The following FRMD5 variants were observed in gnomAD, a reference collection of about 807,000 sequenced individuals.
FRMD5 encodes FERM domain containing 5, also known as FERM domain-containing protein 5.
In FRMD5, 20 loss-of-function variants were observed where a neutral mutation model predicts 69.0. That is an observed-to-expected ratio of 0.29 (90% confidence interval 0.20 to 0.42). The LOEUF is 0.42. Ranked by LOEUF, FRMD5 falls within the 10% of genes least tolerant of loss-of-function variation. The pLI is 1.00. For synonymous variants in FRMD5, 271 were observed against 260.1 expected, an observed-to-expected ratio of 1.04 and a Z score of -0.40; for missense variants, 595 against 708.6, an observed-to-expected ratio of 0.84 and a Z score of 1.82.
At chr15:43,938,886 G>T (rs1047735562) in intron 1 of FRMD5, among the ~76,000 whole-genome samples, 25 of 152,036 alleles carry the variant, frequency 1.6e-4, no homozygotes, top group Non-Finnish European at 2.9e-5. Flanking sequence ...TTTGGAGACA[G>T]AGTCTCACCC....
At chr15:44,080,750 C>A (rs1338405896) in intron 1 of FRMD5, among the ~76,000 whole-genome samples, 1 of 152,070 alleles carries the variant, frequency 6.6e-6, no homozygotes, top group Non-Finnish European at 1.5e-5. Context: ...TTTAACAGAA[C>A]AGGTAGGTCT....
intron 1 of FRMD5, among the ~76,000 whole-genome samples, chr15:44,039,003 AG>A (rs763853405): frequency 3.2e-4 from 49 of 151,964 alleles, no homozygotes; most frequent in Non-Finnish European, 5.7e-4. Flanking sequence ...TTGTAGGGGG[AG>A]GGGCATCCAC....
chr15:43,905,316 T>C (rs1376065866), intron 6 of FRMD5, among the ~76,000 whole-genome samples: 1 of 152,010 alleles, frequency 6.6e-6, no homozygotes, highest in Non-Finnish European at 1.5e-5. Context: ...TTTGTATTTT[T>C]AGTAGAGATG....
intron 1 of FRMD5, among the ~76,000 whole-genome samples, chr15:44,193,519 G>C (rs187193732): frequency 2.0e-5 from 3 of 152,296 alleles, no homozygotes; most frequent in African/African-American, 4.8e-5. Flanking sequence ...AAATAATACA[G>C]AGCATCTCTC....
chr15:43,891,377 G>GA (rs1182204037), intron 8 of FRMD5, among the ~76,000 whole-genome samples: 1 of 152,026 alleles, frequency 6.6e-6, no homozygotes, highest in Admixed American at 6.6e-5. Flanking sequence ...AGGGAAGGAA[G>GA]AAAGAGTGGG....
At chr15:43,912,403 T>A (rs867706060) in intron 4 of FRMD5, among the ~76,000 whole-genome samples, 4 of 152,228 alleles carry the variant, frequency 2.6e-5, no homozygotes, top group South Asian at 2.1e-4. Flanking sequence ...ACACGGTGTG[T>A]GGGAGAGAGT....
At chr15:44,197,678 CAAAAAAAA>C (rs5812271), upstream of FRMD5, among the ~76,000 whole-genome samples, 2 of 84,658 alleles carry the variant, frequency 2.4e-5, no homozygotes, top group Non-Finnish European at 4.6e-5. Flanking sequence ...GACTCCATCT[CAAAAAAAA>C]AAAAAAAAAA....
At chr15:43,982,924 G>A (rs1357823371) in intron 1 of FRMD5, among the ~76,000 whole-genome samples, 1 of 146,808 alleles carries the variant, frequency 6.8e-6, no homozygotes, top group African/African-American at 2.5e-5. Flanking sequence ...AATTTCCCCA[G>A]GTATCTTTTT....
intron 1 of FRMD5, among the ~76,000 whole-genome samples, chr15:44,028,452 T>C (rs1182649196): frequency 1.3e-5 from 2 of 152,216 alleles, no homozygotes; most frequent in East Asian, 3.9e-4. Flanking sequence ...TCCTTCTTCA[T>C]GTTTGGGAGT....
intron 5 of FRMD5, among the ~76,000 whole-genome samples, chr15:43,906,728 C>A (rs560247): frequency 0.21 from 28,102 of 135,412 alleles, 7,115 homozygotes; most frequent in African/African-American, 0.62. Context: ...CAGCCTCCCG[C>A]GTAGCTGGGA....
intron 13 of FRMD5, among the ~76,000 whole-genome samples, chr15:43,879,194 C>T (rs1186609321): frequency 6.6e-6 from 1 of 152,072 alleles, no homozygotes; most frequent in African/African-American, 2.4e-5. Flanking sequence ...ATCTCAGCCT[C>T]CCAAAGTGCT....
intron 1 of FRMD5, among the ~76,000 whole-genome samples, chr15:44,009,354 T>A (rs1215223476): frequency 1.3e-5 from 2 of 152,160 alleles, no homozygotes; most frequent in African/African-American, 4.8e-5. Flanking sequence ...ATCTTAAAGA[T>A]GCAAAAGACA....
rs1320239778 is a variant in FRMD5, at chr15:43,902,021, G to T, written c.639+154C>A. On this transcript the variant is annotated intron_variant, in intron 7 of 13. Coordinates refer to ENST00000417257, the MANE Select transcript of FRMD5 (RefSeq NM_032892.5). ...AAATTATGTAGCATGTGATCCAGAG[G>T]AGTTTTCAAAGCAGGCATTTTCTCT... The T allele has an allele frequency of 6.1e-6, 4 of 659,016 alleles. No homozygotes were observed. The East Asian group carries it at 1.0e-4, about 17-fold the overall frequency. The allele number at this position is 659,016 out of a possible 1,614,324, so 40.8% of individuals were successfully genotyped here.
chr15:43,903,532 T>C (rs571841161), intron 6 of FRMD5, among the ~76,000 whole-genome samples: 1 of 152,346 alleles, frequency 6.6e-6, no homozygotes, highest in Admixed American at 6.5e-5. Flanking sequence ...TTTTACATTA[T>C]GAAGACGAGG....
chr15:43,914,821 G>T (rs1327744261), intron 4 of FRMD5, among the ~76,000 whole-genome samples: 1 of 147,264 alleles, frequency 6.8e-6, no homozygotes, highest in African/African-American at 2.6e-5. Context: ...CACCTCCCGG[G>T]TTCAAGTGAT....
intron 7 of FRMD5, 142 bp downstream of exon 7, chr15:43,902,033 C>G (rs1312428861): frequency 3.0e-6 from 2 of 676,536 alleles, no homozygotes; most frequent in Admixed American, 4.8e-5. Context: ...GTTTTCAAAG[C>G]AGGCATTTTC....
chr15:44,092,218 C>T (rs2140487151), intron 1 of FRMD5, among the ~76,000 whole-genome samples: 1 of 152,162 alleles, frequency 6.6e-6, no homozygotes, highest in East Asian at 1.9e-4. Context: ...CTTCAGATTC[C>T]ACTTCCACAA....
At chr15:44,097,530 G>T (rs918418472) in intron 1 of FRMD5, among the ~76,000 whole-genome samples, 1 of 152,232 alleles carries the variant, frequency 6.6e-6, no homozygotes, top group Admixed American at 6.5e-5. Flanking sequence ...GCAGACTATA[G>T]GGAAGCTCTG....
At position 43,872,011 on chromosome 15, in the gene FRMD5, GCTCA is replaced by G. The variant is rs2088172639; in HGVS notation, c.*1870_*1873del. 6.6e-6 allele frequency: 1 copy of G among 152,198 alleles called. No homozygotes were observed. The highest frequency in any genetic ancestry group is 1.5e-5 in the Non-Finnish European group (1 of 68,042). The allele number at this position is 152,198 out of a possible 1,614,324, so 9.4% of individuals were successfully genotyped here. On this transcript the variant is annotated 3_prime_UTR_variant, in exon 14 of 14. Transcript: ENST00000417257. Reference sequence around the variant, plus strand: ...TATTATGGCCTGTAGGCTAAATTCAGCTCACTGTTTTCATAAAGTTTTATTGGAA... The same window carrying G: ...TATTATGGCCTGTAGGCTAAATTCAGCTGTTTTCATAAAGTTTTATTGGAA...
Sources: allele counts gnomAD v4.1 joint callset (sites outside exome capture counted in the v4.1 genomes callset), GRCh38; gene constraint gnomAD v4.1.1; transcripts MANE v1.5; gene names NCBI Gene and HGNC (gene_info 2026-07-23, HGNC 2026-07-21).